The following EPHA3 variants were observed in gnomAD, a reference collection of about 807,000 sequenced individuals.
EPHA3 encodes the protein ephrin type-A receptor 3.
A neutral mutation model predicts 107.1 loss-of-function variants in EPHA3; 42 were observed. The observed-to-expected ratio is 0.39, with a 90% CI of 0.31 to 0.51. The LOEUF (loss-of-function observed/expected upper bound fraction) is 0.51. EPHA3 is among the 20% of genes least tolerant of loss of function. The pLI, the probability that EPHA3 is intolerant of heterozygous loss-of-function variation, is 0.78. For missense variants in EPHA3, 1,183 were observed against 1,211.2 expected (o/e 0.98, Z 0.35); for synonymous variants, 461 against 424.8 (o/e 1.09, Z -1.05).
intron 3 of EPHA3, among the ~76,000 whole-genome samples, chr3:89,329,100 C>T (rs1299948967): frequency 3.9e-5 from 6 of 152,056 alleles, no homozygotes; most frequent in Non-Finnish European, 7.4e-5. Context: ...TCAAGGCAAT[C>T]AATGAAATTC....
intron 2 of EPHA3, among the ~76,000 whole-genome samples, chr3:89,161,240 T>C (rs1007258213): frequency 6.6e-6 from 1 of 152,168 alleles, no homozygotes; most frequent in Non-Finnish European, 1.5e-5. Flanking sequence ...TTTGAATGGG[T>C]AACACATTCA....
In EPHA3 at chr3:89,479,378, T is replaced by C. The variant is rs1460590188; in HGVS notation, c.2847-19T>C. 6.3e-7 allele frequency: 1 copy of C among 1,599,966 alleles called. No individual in the cohort carries two copies. Among genetic ancestry groups the C allele is most frequent in the East Asian group, 2.2e-5 (1 of 44,842 alleles). On this transcript the variant is annotated intron_variant, in intron 16 of 16. Transcript: ENST00000336596. The stretch of plus-strand genomic sequence containing the variant: ...ACTATCGAGGAAACCGATTCTTATA[T>C]TGTTTTCTTTTTTTACAGTGACATG...
At chr3:89,317,286 G>T (rs140192754) in intron 3 of EPHA3, among the ~76,000 whole-genome samples, 1 of 151,842 alleles carries the variant, frequency 6.6e-6, no homozygotes, top group East Asian at 1.9e-4. Context: ...CTAGCAGGAA[G>T]AAAGACAACA....
chr3:89,219,689 TTTTTTTTTTTTTTGTTTTTTG>T (rs1490294370), intron 3 of EPHA3, among the ~76,000 whole-genome samples: 2 of 16,628 alleles, frequency 1.2e-4, no homozygotes, highest in African/African-American at 3.8e-4. Flanking sequence ...TTTGGCAATG[TTTTTTTTTTTTTTGTTTTTTG>T]TTTTTTTTTT....
rs539879197 is a variant in EPHA3, at chr3:89,357,576, A to T, written c.1306+15486A>T. 5.9e-5 allele frequency among the ~76,000 whole-genome samples: 9 copies of T among 151,400 alleles called. 1 individual carries two copies. The Admixed American group carries it at 6.0e-4, about 10-fold the overall frequency. On this transcript the variant is annotated intron_variant, in intron 5 of 16. Transcript: ENST00000336596. ...GGGCAATTGGGTATATATCCTCTAA[A>T]ATGAAGTACATGTTATGGATATTTA... is the stretch of plus-strand genomic sequence containing the variant.
chr3:89,347,474 G>C (rs1261514570), intron 5 of EPHA3, among the ~76,000 whole-genome samples: 1 of 148,948 alleles, frequency 6.7e-6, no homozygotes, highest in Non-Finnish European at 1.5e-5. Context: ...TGTATCCTGA[G>C]ACTTTGCTGA....
At chr3:89,318,728 C>T (rs1706970231) in intron 3 of EPHA3, among the ~76,000 whole-genome samples, 1 of 151,762 alleles carries the variant, frequency 6.6e-6, no homozygotes, top group South Asian at 2.1e-4. Context: ...CTATTGACCA[C>T]GTATAAAAAT....
At chr3:89,222,955 G>C (rs1394298997) in intron 3 of EPHA3, among the ~76,000 whole-genome samples, 2 of 152,026 alleles carry the variant, frequency 1.3e-5, no homozygotes, top group African/African-American at 4.8e-5. Flanking sequence ...AATGTTATTG[G>C]TGTTATAGAT....
At chr3:89,310,933 A>C (rs1706750406) in intron 3 of EPHA3, among the ~76,000 whole-genome samples, 1 of 152,038 alleles carries the variant, frequency 6.6e-6, no homozygotes, top group African/African-American at 2.4e-5. Context: ...CAGTCTTTGA[A>C]GCCAAAATGC....
At chr3:89,188,783 C>A (rs888418405) in intron 2 of EPHA3, among the ~76,000 whole-genome samples, 2 of 152,190 alleles carry the variant, frequency 1.3e-5, no homozygotes, top group African/African-American at 4.8e-5. Context: ...CACACCTCTT[C>A]CCATGACAAT....
rs143090736 is a variant in EPHA3, at chr3:89,289,555, G to T, written c.815-51361G>T. On this transcript the variant is annotated intron_variant, in intron 3 of 16. Transcript: ENST00000336596. ...CAACTGTTAAATTTCTGTATCTGAG[G>T]TATATATAATATCTTTATATATATC... is the stretch of plus-strand genomic sequence containing the variant. Among the ~76,000 whole-genome samples, 1,085 of 152,066 alleles carry T rather than the reference G, an allele frequency of 7.1e-3. 12 individuals are homozygous for T. The highest frequency in any genetic ancestry group is 0.02 in the Middle Eastern group (6 of 294).
chr3:89,244,691 C>T (rs1401704059), intron 3 of EPHA3, among the ~76,000 whole-genome samples: 2 of 152,128 alleles, frequency 1.3e-5, no homozygotes, highest in African/African-American at 4.8e-5. Flanking sequence ...ATTATTTCAG[C>T]CACTGTGGTA....
At chr3:89,308,988 A>G (rs1706698897) in intron 3 of EPHA3, among the ~76,000 whole-genome samples, 1 of 152,126 alleles carries the variant, frequency 6.6e-6, no homozygotes, top group Admixed American at 6.6e-5. Flanking sequence ...GAAGATTCTG[A>G]GAAGTGTTCT....
At chr3:89,473,906 G>A (rs1356386232) in intron 16 of EPHA3, among the ~76,000 whole-genome samples, 1 of 152,082 alleles carries the variant, frequency 6.6e-6, no homozygotes, top group Non-Finnish European at 1.5e-5. Context: ...CGCTTGCATG[G>A]TCTATTGGGA....
chr3:89,154,276 T>TGG (rs2107052440), intron 2 of EPHA3, among the ~76,000 whole-genome samples: 1 of 151,626 alleles, frequency 6.6e-6, no homozygotes, highest in African/African-American at 2.4e-5. Context: ...GTTTGTTTTT[T>TGG]TTTTTTTTTA....
chr3:89,268,632 C>G (rs753116425), intron 3 of EPHA3, among the ~76,000 whole-genome samples: 5 of 151,100 alleles, frequency 3.3e-5, no homozygotes, highest in Non-Finnish European at 7.4e-5. Flanking sequence ...AGACAGTTAC[C>G]CTATTATAAA....
At chr3:89,208,300 G>A (rs1239616285) in intron 2 of EPHA3, among the ~76,000 whole-genome samples, 1 of 150,670 alleles carries the variant, frequency 6.6e-6, no homozygotes, top group Non-Finnish European at 1.5e-5. Flanking sequence ...AACCCAGGAG[G>A]TGAAGATTGC....
chr3:89,141,942 C>T (rs1704439914), intron 2 of EPHA3, among the ~76,000 whole-genome samples: 2 of 151,214 alleles, frequency 1.3e-5, no homozygotes. Context: ...ACAGATTCCT[C>T]CAGGCAGTTG....
At chr3:89,223,357 G>T (rs1056534395) in intron 3 of EPHA3, among the ~76,000 whole-genome samples, 2 of 152,168 alleles carry the variant, frequency 1.3e-5, no homozygotes, top group African/African-American at 4.8e-5. Flanking sequence ...GAGATGAAAA[G>T]AAAATGAGAA....
Sources: allele counts gnomAD v4.1 joint callset (sites outside exome capture counted in the v4.1 genomes callset), GRCh38; gene constraint gnomAD v4.1.1; transcripts MANE v1.5; gene names NCBI Gene and HGNC (gene_info 2026-07-23, HGNC 2026-07-21).